Variants in CFAP74 observed in about 807,000 individuals in gnomAD.
The protein encoded by CFAP74 is cilia and flagella associated protein 74.
A neutral mutation model predicts 188.9 loss-of-function variants in CFAP74; 124 were observed. That is an observed-to-expected ratio of 0.66 (90% confidence interval 0.57 to 0.76). The LOEUF is 0.76. Ranked by LOEUF, CFAP74 falls within the 30% of genes least tolerant of loss-of-function variation. CFAP74 has a pLI of 0.00. For missense variants in CFAP74, 2,198 were observed against 2,165.2 expected, an observed-to-expected ratio of 1.02 and a Z score of -0.30; for synonymous variants, 956 against 916.7, an observed-to-expected ratio of 1.04 and a Z score of -0.77.
At chr1:1,946,542 G>A (rs778779712) in intron 19 of CFAP74, 103 bp from the exon 20 acceptor site, 5 of 1,399,210 alleles carry the variant, frequency 3.6e-6, no homozygotes, top group Admixed American at 2.7e-5. Flanking sequence ...GAAGGTGGCA[G>A]GACCCGTGTC....
chr1:1,982,645 G>A (rs1017222714), intron 6 of CFAP74, among the ~76,000 whole-genome samples: 3 of 152,228 alleles, frequency 2.0e-5, no homozygotes, highest in African/African-American at 7.2e-5. Context: ...CCCAGATAAA[G>A]CTGACTTAAA....
chr1:1,986,484 C>A (rs1376301787), intron 5 of CFAP74, among the ~76,000 whole-genome samples: 1 of 152,206 alleles, frequency 6.6e-6, no homozygotes, highest in African/African-American at 2.4e-5. Flanking sequence ...GCAGGCCCTG[C>A]AGGCACCTGG....
chr1:1,993,920 T>C (rs1243006756), intron 1 of CFAP74, among the ~76,000 whole-genome samples: 2 of 149,530 alleles, frequency 1.3e-5, no homozygotes, highest in Non-Finnish European at 3.0e-5. Flanking sequence ...AGGCGGAGCT[T>C]GCAGTGAGCC....
At chr1:1,927,858 T>A in intron 27 of CFAP74, 112 bp from the exon 28 acceptor site, 3 of 1,246,058 alleles carry the variant, frequency 2.4e-6, no homozygotes, top group Non-Finnish European at 3.3e-6. Flanking sequence ...CAGTTGGGAT[T>A]GAATGTGGGG....
Position 1,970,697 on chromosome 1 carries a change from G to C in CFAP74, c.1008C>G (p.Val336=), listed in dbSNP as rs776480386. 5.0e-6 allele frequency: 8 copies of C among 1,613,556 alleles called. No homozygotes were observed. In the East Asian group the frequency reaches 1.8e-4, roughly 36 times the overall value. ...AQGRDAFRHL[V]HQRRRQELEA... is the part of the protein sequence containing the mutation. ...CCAGCTCCTGGCGCCGGCGCTGGTG[G>C]ACAAGGTGCCTGAATGCATCCCTGC... Residue 336 remains valine (V), a synonymous_variant, in exon 10 of 39, where the codon GTC becomes GTG. Coordinates refer to ENST00000682832, the MANE Select transcript of CFAP74 (RefSeq NM_001304360.2).
Position 1,974,053 on chromosome 1 carries a change from C to T in CFAP74, c.646G>A (p.Val216Met), listed in dbSNP as rs776388998. The T allele has an allele frequency of 1.3e-6, 2 of 1,597,456 alleles. No individual in the cohort carries two copies. Among genetic ancestry groups the T allele is most frequent in the Admixed American group, 1.7e-5 (1 of 58,546 alleles). Reference protein sequence around the residue: ...LCREQEALGKVERNRLLRIRK... With the variant: ...LCREQEALGKMERNRLLRIRK... Reference sequence around the variant, plus strand: ...ATCCTCAGCAGTCGGTTCCGCTCCACCTTCCCCAGGGCCTCCTGCTCTCTG... The same window carrying T: ...ATCCTCAGCAGTCGGTTCCGCTCCATCTTCCCCAGGGCCTCCTGCTCTCTG... Residue 216 changes from valine (V) to methionine (M), a missense_variant, in exon 7 of 39, where the codon GTG (valine) becomes ATG (methionine). Transcript: ENST00000682832.
rs573528929 is a variant in CFAP74 at position 1,946,615 on chromosome 1, C to T, written c.2242-176G>A. Among the ~76,000 whole-genome samples, 8 of 152,292 alleles carry T rather than the reference C, an allele frequency of 5.3e-5. No individual in the cohort carries two copies. The South Asian group carries it at 1.0e-3, about 20-fold the overall frequency. ...GCCCAGCCCTTGGAGGACTTACTGT[C>T]GTGGGATCCCAGCCAGCGGAGTTGG... On this transcript the variant is annotated intron_variant, in intron 19 of 38. Transcript: ENST00000682832.
Position 1,970,949 on chromosome 1 carries a change from G to A in CFAP74, c.889-133C>T, listed in dbSNP as rs989864864. 10 of 1,060,958 alleles carry A rather than the reference G, an allele frequency of 9.4e-6. No homozygotes were observed. In the African/African-American group the frequency reaches 9.7e-5, roughly 10 times the overall value. The allele number at this position is 1,060,958 out of a possible 1,614,324, so 65.7% of individuals were successfully genotyped here. Reference sequence around the variant, plus strand: ...CACGTGCACACACACATGCACACCTGCACATGCACACATCACACATGCACA... The same window carrying A: ...CACGTGCACACACACATGCACACCTACACATGCACACATCACACATGCACA... On this transcript the variant is annotated intron_variant, in intron 9 of 38. Coordinates refer to ENST00000682832, the MANE Select transcript of CFAP74 (RefSeq NM_001304360.2).
chr1:1,946,917 T>G, intron 19 of CFAP74, 73 bp downstream of exon 19: 2 of 1,207,210 alleles, frequency 1.7e-6, no homozygotes, highest in Non-Finnish European at 2.4e-6. Context: ...TGGGTTGGGG[T>G]GCAGCTGGGG....
chr1:1,967,893 G>A (rs1655580101), intron 11 of CFAP74, among the ~76,000 whole-genome samples: 1 of 152,172 alleles, frequency 6.6e-6, no homozygotes, highest in Non-Finnish European at 1.5e-5. Flanking sequence ...GAGTGAGTGA[G>A]TGAATGAGTA....
intron 25 of CFAP74, 82 bp from the exon 26 acceptor site, chr1:1,930,418 A>T: frequency 7.3e-7 from 1 of 1,366,734 alleles, no homozygotes; most frequent in South Asian, 1.5e-5. Context: ...CACTGGGTGG[A>T]GGACAAGCCC....
intron 17 of CFAP74, among the ~76,000 whole-genome samples, chr1:1,956,348 C>T (rs114625464): frequency 0.017 from 2,521 of 152,254 alleles, 72 homozygotes; most frequent in African/African-American, 0.057. Context: ...CTGGGGCCCT[C>T]GGGCCTGGAG....
intron 14 of CFAP74, among the ~76,000 whole-genome samples, chr1:1,961,229 G>A (rs528611419): frequency 7.2e-5 from 11 of 152,258 alleles, no homozygotes; most frequent in African/African-American, 2.6e-4. Flanking sequence ...TGGGGGAGGG[G>A]CGATGCCTGG....
intron 25 of CFAP74, among the ~76,000 whole-genome samples, chr1:1,930,623 G>A (rs1363146076): frequency 1.3e-5 from 2 of 152,156 alleles, no homozygotes; most frequent in South Asian, 2.1e-4. Context: ...GTGGCACTAC[G>A]ACAGCTCACT....
chr1:1,958,061 C>A (rs2803284), intron 16 of CFAP74, among the ~76,000 whole-genome samples: 2 of 152,214 alleles, frequency 1.3e-5, no homozygotes, highest in Non-Finnish European at 2.9e-5. Flanking sequence ...GAAAACACTT[C>A]TCTCTCTGCC....
At chr1:1,999,962 A>G (rs4358986) in intron 1 of CFAP74, among the ~76,000 whole-genome samples, 10,085 of 151,924 alleles carry the variant, frequency 0.066, 884 homozygotes, top group African/African-American at 0.2. Context: ...TCAGGAGATC[A>G]AGACCATCCT....
rs1370801525 is a variant in CFAP74, at chr1:1,926,616, C to T, written c.3772+36G>A. On this transcript the variant is annotated intron_variant, in intron 30 of 38. Transcript: ENST00000682832. ...GGGGAGGCGTGGGTGTGCCTGGGCA[C>T]CGGGGTGGAGGTGTGGGCGGGGCTT... The T allele has an allele frequency of 2.6e-6, 4 of 1,546,194 alleles. No homozygotes were observed. The East Asian group carries it at 7.3e-5, about 28-fold the overall frequency.
chr1:1,926,570 C>T, intron 30 of CFAP74, 58 bp from the exon 31 acceptor site: 1 of 1,548,658 alleles, frequency 6.5e-7, no homozygotes, highest in Non-Finnish European at 8.7e-7. Flanking sequence ...GCGTCTCTGC[C>T]AGGGGTGGGC....
chr1:1,967,169 G>C (rs1252694725), intron 11 of CFAP74, among the ~76,000 whole-genome samples: 2 of 152,138 alleles, frequency 1.3e-5, no homozygotes, highest in African/African-American at 2.4e-5. Flanking sequence ...AGCCATGCCC[G>C]GGAAAAGCCC....
Sources: allele counts gnomAD v4.1 joint callset (sites outside exome capture counted in the v4.1 genomes callset), GRCh38; gene constraint gnomAD v4.1.1; transcripts MANE v1.5; gene names NCBI Gene and HGNC (gene_info 2026-07-23, HGNC 2026-07-21).